Variants in ITSN1 observed in about 807,000 individuals in gnomAD.
ITSN1 encodes intersectin-1.
Under a neutral mutation model 239.8 loss-of-function variants are expected in ITSN1, and 58 were observed. That is an observed-to-expected ratio of 0.24 (90% confidence interval 0.20 to 0.30). The LOEUF (loss-of-function observed/expected upper bound fraction) is 0.30, where lower values mean the gene tolerates loss of function less well. Ranked by LOEUF, ITSN1 falls within the 10% of genes least tolerant of loss-of-function variation. The pLI is 1.00. For missense variants in ITSN1, 1,558 were observed against 2,103.3 expected (o/e 0.74, Z 5.07); for synonymous variants, 780 against 770.8 (o/e 1.01, Z -0.20).
chr21:33,678,089 G>C (rs148335978), intron 1 of ITSN1, among the ~76,000 whole-genome samples: 145 of 152,280 alleles, frequency 9.5e-4, no homozygotes, highest in African/African-American at 3.0e-3. Flanking sequence ...TGGCCTCTGT[G>C]CTTCTCCAGT....
At chr21:33,840,172 T>A (rs1352830247) in intron 29 of ITSN1, among the ~76,000 whole-genome samples, 2 of 152,196 alleles carry the variant, frequency 1.3e-5, no homozygotes, top group Non-Finnish European at 2.9e-5. Context: ...CCCCATACTC[T>A]GCACTTTGGT....
In ITSN1 at chr21:33,797,380, C is replaced by A. The variant is rs1400666294; in HGVS notation, c.1954C>A (p.Arg652=). The A allele has an allele frequency of 6.2e-7, 1 of 1,613,304 alleles. No homozygotes were observed. Among genetic ancestry groups the A allele is most frequent in the South Asian group, 1.1e-5 (1 of 91,050 alleles). ...LEKQKEEAQR[R]AQERDKQWLE... is the part of the protein sequence containing the mutation. The stretch of plus-strand genomic sequence containing the variant: ...GTAATCAAGCGTGTTTGTTGGCAGA[C>A]GAGCTCAGGAAAGGGACAAGCAGTG... Residue 652 remains arginine, a splice_region_variant and synonymous_variant, in exon 18 of 40, where the codon CGA becomes AGA. Transcript: ENST00000381318. This position sits in a 1 kb window ranked among gnomAD's most constrained non-coding sequence, Gnocchi z 4.9.
intron 34 of ITSN1, among the ~76,000 whole-genome samples, chr21:33,878,767 T>C (rs1389230376): frequency 6.6e-6 from 1 of 152,190 alleles, no homozygotes; most frequent in Admixed American, 6.5e-5. Context: ...ATTTATTCGC[T>C]CATCATCATT....
intron 33 of ITSN1, among the ~76,000 whole-genome samples, chr21:33,870,239 T>A (rs1419692940): frequency 1.3e-5 from 2 of 152,250 alleles, no homozygotes; most frequent in African/African-American, 2.4e-5. Context: ...TACTATTTAA[T>A]TAGCTCAGTA....
chr21:33,831,598 CA>C (rs2074299461), intron 27 of ITSN1, among the ~76,000 whole-genome samples: 1 of 152,146 alleles, frequency 6.6e-6, no homozygotes, highest in Non-Finnish European at 1.5e-5. Flanking sequence ...GAGGTTGGAA[CA>C]GCAGGAGCAG....
intron 14 of ITSN1, 63 bp downstream of exon 14, chr21:33,775,171 T>C: frequency 6.6e-7 from 1 of 1,522,970 alleles, no homozygotes; most frequent in East Asian, 2.3e-5. Flanking sequence ...CTAATTCATT[T>C]CATTTACTTA....
At chr21:33,884,939 C>A in intron 36 of ITSN1, 102 bp from the exon 37 acceptor site, 1 of 800,120 alleles carries the variant, frequency 1.2e-6, no homozygotes. Flanking sequence ...TTGTTAAAAT[C>A]AAATGAACAA....
In ITSN1 at chr21:33,868,626, A is replaced by T. The variant is rs527697664; in HGVS notation, c.4173+1295A>T. Among the ~76,000 whole-genome samples, 3 of 152,338 alleles carry T rather than the reference A, an allele frequency of 2.0e-5. No individual in the cohort carries two copies. The South Asian group carries it at 6.2e-4, about 32-fold the overall frequency. On this transcript the variant is annotated intron_variant, in intron 33 of 39. Coordinates refer to ENST00000381318, the MANE Select transcript of ITSN1 (RefSeq NM_003024.3). ...GCTGCTCCGAGTGCGGGGCACGCCAAGCCCACGCCCACCCGGAACTCCAGC... is the reference window on the plus strand; with the variant it reads ...GCTGCTCCGAGTGCGGGGCACGCCATGCCCACGCCCACCCGGAACTCCAGC...
At chr21:33,809,757 CATAAG>C (rs1216778796) in intron 20 of ITSN1, among the ~76,000 whole-genome samples, 2 of 152,120 alleles carry the variant, frequency 1.3e-5, no homozygotes, top group Non-Finnish European at 2.9e-5. Context: ...TATAAGGTTT[CATAAG>C]ATAAGACCCT....
At chr21:33,833,205 A>G (rs1264749548) in intron 27 of ITSN1, among the ~76,000 whole-genome samples, 1 of 152,114 alleles carries the variant, frequency 6.6e-6, no homozygotes, top group Non-Finnish European at 1.5e-5. Flanking sequence ...ACAGTCATCT[A>G]CTGTCCCTTC....
intron 34 of ITSN1, among the ~76,000 whole-genome samples, chr21:33,875,989 G>A (rs550470678): frequency 7.2e-5 from 11 of 152,200 alleles, no homozygotes; most frequent in African/African-American, 2.4e-4. Context: ...CATCCACTGA[G>A]TTTCTAATTT....
intron 8 of ITSN1, 63 bp from the exon 9 acceptor site, chr21:33,761,860 G>T: frequency 8.4e-7 from 1 of 1,192,948 alleles, no homozygotes; most frequent in Non-Finnish European, 1.3e-6. Context: ...CAGAACCCTG[G>T]TCCTCCTGTA....
At chr21:33,725,129 T>G (rs572022497) in intron 4 of ITSN1, among the ~76,000 whole-genome samples, 26 of 126,142 alleles carry the variant, frequency 2.1e-4, no homozygotes, top group Non-Finnish European at 3.1e-4. Flanking sequence ...AATTTTTTTT[T>G]TTTGTTTTTT....
chr21:33,668,094 C>T (rs1464828764), intron 1 of ITSN1, among the ~76,000 whole-genome samples: 1 of 152,200 alleles, frequency 6.6e-6, no homozygotes, highest in Non-Finnish European at 1.5e-5. Context: ...AGGACCTCTT[C>T]CCCTTCTGGA....
In ITSN1 at chr21:33,895,185, C is replaced by T. The variant is rs1986632360; in HGVS notation, c.*6885C>T. ...GCTGAGGCTGGGGCTGCACGGAGGT[C>T]CTCAGGCTTCCCACCCTTTCTGCAT... On this transcript the variant is annotated 3_prime_UTR_variant, in exon 40 of 40. Coordinates refer to ENST00000381318, the MANE Select transcript of ITSN1 (RefSeq NM_003024.3). The T allele has an allele frequency of 6.6e-6, 1 of 152,272 alleles. No individual in the cohort carries two copies. The highest frequency in any genetic ancestry group is 2.4e-5 in the African/African-American group (1 of 41,450). 9.4% of individuals were successfully genotyped at this position (152,272 alleles called of 1,614,324 possible). A position where few individuals can be genotyped will look rare whatever the true frequency, so the allele number is the denominator to read the frequency against.
chr21:33,679,467 T>C (rs1275508198), intron 1 of ITSN1, among the ~76,000 whole-genome samples: 2 of 152,214 alleles, frequency 1.3e-5, no homozygotes, highest in Non-Finnish European at 2.9e-5. Flanking sequence ...AGTTGTATTT[T>C]AAGTTATTGC....
chr21:33,684,802 A>G (rs900409730), intron 1 of ITSN1, among the ~76,000 whole-genome samples: 7 of 152,222 alleles, frequency 4.6e-5, no homozygotes, highest in Non-Finnish European at 7.3e-5. Context: ...CTACAGAAGA[A>G]CTGAAGAGTA....
chr21:33,684,056 A>T (rs1264312426), intron 1 of ITSN1, among the ~76,000 whole-genome samples: 1 of 152,222 alleles, frequency 6.6e-6, no homozygotes, highest in Non-Finnish European at 1.5e-5. Context: ...CCTGTGAGTT[A>T]GTCTTCATTT....
chr21:33,686,152 ACTTTT>A (rs1185565676), intron 1 of ITSN1, among the ~76,000 whole-genome samples: 4 of 152,298 alleles, frequency 2.6e-5, no homozygotes, highest in South Asian at 2.1e-4. Context: ...ATATGTGTCT[ACTTTT>A]CTTCAGTAGC....
Sources: gnomAD v4.1 joint callset for allele counts (sites outside exome capture counted in the v4.1 genomes callset) on GRCh38, gnomAD v4.1.1 for gene constraint, Gnocchi (gnomAD v3.1) non-coding constraint, MANE v1.5 for transcripts, NCBI Gene and HGNC (gene_info 2026-07-23, HGNC 2026-07-21) for gene names.